CDKAL1: variants seen among roughly 807,000 people sequenced by gnomAD.
CDKAL1 encodes the protein threonylcarbamoyladenosine tRNA methylthiotransferase.
A neutral mutation model predicts 68.2 loss-of-function variants in CDKAL1; 32 were observed. The observed-to-expected ratio is 0.47, with a 90% confidence interval of 0.35 to 0.63. The LOEUF is 0.63. Among genes scored for constraint, CDKAL1 ranks in the 30% least tolerant of loss-of-function variants. The probability of loss-of-function intolerance (pLI) is 0.00; values close to 1 mark genes in which losing one functional copy is unlikely to be tolerated. For missense variants in CDKAL1, 606 were observed against 696.7 expected, an observed-to-expected ratio of 0.87 and a Z score of 1.47; for synonymous variants, 234 against 244.3, an observed-to-expected ratio of 0.96 and a Z score of 0.39.
intron 4 of CDKAL1, among the ~76,000 whole-genome samples, chr6:20,569,155 A>G (rs1764598976): frequency 6.6e-6 from 1 of 152,182 alleles, no homozygotes. Flanking sequence ...AAAACGTTGA[A>G]TGATTTGTTA....
chr6:20,825,649 T>C (rs1020275224), intron 8 of CDKAL1, among the ~76,000 whole-genome samples: 11 of 152,290 alleles, frequency 7.2e-5, no homozygotes, highest in Middle Eastern at 3.4e-3. Context: ...TTCTTCCTGA[T>C]AGTACTTGTG....
At chr6:20,884,560 A>G (rs1281599736) in intron 9 of CDKAL1, among the ~76,000 whole-genome samples, 1 of 152,172 alleles carries the variant, frequency 6.6e-6, no homozygotes, top group East Asian at 1.9e-4. Context: ...AAAGAAGTAA[A>G]ACAGTCTCTC....
rs527849729 is a variant in CDKAL1, at chr6:21,045,324, C to CA, written c.1056-19723dup. Among the ~76,000 whole-genome samples, 697 of 152,290 alleles carry CA rather than the reference C, an allele frequency of 4.6e-3. 7 individuals carry two copies. Among genetic ancestry groups the CA allele is most frequent in the Middle Eastern group, 0.024 (7 of 294 alleles). Reference sequence around the variant, plus strand: ...CCGCTATAGTTATCTAAATAATCCTCAGATTCTTTTGCCAAAAATGATGTA... The same window carrying CA: ...CCGCTATAGTTATCTAAATAATCCTCAAGATTCTTTTGCCAAAAATGATGTA... On this transcript the variant is annotated intron_variant, in intron 11 of 15. Coordinates refer to ENST00000274695, the MANE Select transcript of CDKAL1 (RefSeq NM_017774.3).
intron 5 of CDKAL1, among the ~76,000 whole-genome samples, chr6:20,660,635 A>G (rs919560997): frequency 2.6e-5 from 4 of 152,202 alleles, no homozygotes; most frequent in Admixed American, 1.3e-4. Flanking sequence ...TGTGGCCATT[A>G]GATTAGTTAA....
intron 9 of CDKAL1, among the ~76,000 whole-genome samples, chr6:20,904,565 G>A (rs1762149369): frequency 6.6e-6 from 1 of 152,084 alleles, no homozygotes; most frequent in Non-Finnish European, 1.5e-5. Context: ...TGAAGCAGGT[G>A]GATTACCTGA....
chr6:20,882,983 C>A (rs1760896795), intron 9 of CDKAL1, among the ~76,000 whole-genome samples: 2 of 152,102 alleles, frequency 1.3e-5, no homozygotes, highest in Non-Finnish European at 2.9e-5. Flanking sequence ...CTTTCTTCAG[C>A]ACTTTGGTTT....
intron 11 of CDKAL1, among the ~76,000 whole-genome samples, chr6:21,029,097 A>G (rs1162784834): frequency 6.6e-6 from 1 of 151,962 alleles, no homozygotes; most frequent in Non-Finnish European, 1.5e-5. Flanking sequence ...CCCAGGCTGG[A>G]ATGCAGTGGC....
At chr6:20,767,286 T>A (rs1774742633) in intron 7 of CDKAL1, among the ~76,000 whole-genome samples, 1 of 152,182 alleles carries the variant, frequency 6.6e-6, no homozygotes, top group Non-Finnish European at 1.5e-5. Context: ...ATTGTGGTAT[T>A]TTCTGTTTTG....
chr6:20,770,551 G>C (rs1774898109), intron 7 of CDKAL1, among the ~76,000 whole-genome samples: 1 of 152,106 alleles, frequency 6.6e-6, no homozygotes, highest in Non-Finnish European at 1.5e-5. Context: ...ATCTTTAACA[G>C]ACCATGCCCA....
chr6:21,229,895 G>A (rs376343620), intron 15 of CDKAL1, among the ~76,000 whole-genome samples: 11 of 152,194 alleles, frequency 7.2e-5, no homozygotes, highest in Admixed American at 1.3e-4. Flanking sequence ...CTAAGAAGCC[G>A]GTGAACAGAA....
At chr6:21,036,522 C>T (rs1450748238) in intron 11 of CDKAL1, among the ~76,000 whole-genome samples, 1 of 152,162 alleles carries the variant, frequency 6.6e-6, no homozygotes, top group Non-Finnish European at 1.5e-5. Context: ...GGCTCAAGGA[C>T]GTATGAGATT....
intron 11 of CDKAL1, among the ~76,000 whole-genome samples, chr6:21,002,251 A>G (rs773576869): frequency 2.6e-5 from 4 of 152,194 alleles, no homozygotes; most frequent in East Asian, 1.9e-4. Flanking sequence ...TGAGGCATCT[A>G]TGTAGTTTTT....
intron 6 of CDKAL1, among the ~76,000 whole-genome samples, chr6:20,745,977 T>G (rs1220078416): frequency 6.6e-6 from 1 of 152,240 alleles, no homozygotes; most frequent in Non-Finnish European, 1.5e-5. Context: ...TTCTGTTATT[T>G]AATAGGAGTA....
At chr6:20,592,551 C>T (rs1765638311) in intron 4 of CDKAL1, among the ~76,000 whole-genome samples, 1 of 151,340 alleles carries the variant, frequency 6.6e-6, no homozygotes, top group Non-Finnish European at 1.5e-5. Context: ...CCACTGCAAC[C>T]TTCACCTCCT....
At chr6:21,229,946 A>C (rs1779892842) in intron 15 of CDKAL1, among the ~76,000 whole-genome samples, 1 of 152,102 alleles carries the variant, frequency 6.6e-6, no homozygotes, top group South Asian at 2.1e-4. Flanking sequence ...CCAGCTTCTC[A>C]GCTCTGCCCA....
intron 4 of CDKAL1, among the ~76,000 whole-genome samples, chr6:20,550,164 G>A (rs1763762522): frequency 6.6e-6 from 1 of 151,756 alleles, no homozygotes; most frequent in Non-Finnish European, 1.5e-5. Context: ...ATTTTTTAGA[G>A]ATGGGGTTTC....
chr6:20,911,491 A>G (rs933463650), intron 9 of CDKAL1, among the ~76,000 whole-genome samples: 1 of 152,232 alleles, frequency 6.6e-6, no homozygotes, highest in African/African-American at 2.4e-5. Context: ...GTAATCTCTT[A>G]TGTGGGCAGG....
At chr6:20,951,671 G>A (rs1009938396) in intron 9 of CDKAL1, among the ~76,000 whole-genome samples, 4 of 152,080 alleles carry the variant, frequency 2.6e-5, no homozygotes, top group Non-Finnish European at 4.4e-5. Flanking sequence ...CAAAATTAAT[G>A]CATCAAAAGG....
intron 13 of CDKAL1, among the ~76,000 whole-genome samples, chr6:21,160,830 C>T (rs1057145286): frequency 3.3e-5 from 5 of 151,640 alleles, no homozygotes; most frequent in South Asian, 2.1e-4. Context: ...TTTAGCCCTG[C>T]GTGCAGGTAT....
Sources: gnomAD v4.1 joint callset for allele counts (sites outside exome capture counted in the v4.1 genomes callset) on GRCh38, gnomAD v4.1.1 for gene constraint, MANE v1.5 for transcripts, NCBI Gene and HGNC (gene_info 2026-07-23, HGNC 2026-07-21) for gene names.